The following NPRL3 variants were observed in gnomAD, a reference collection of about 807,000 sequenced individuals.
NPRL3 encodes NPR3 like, GATOR1 complex subunit.
In NPRL3, 23 loss-of-function variants were observed where a neutral mutation model predicts 57.2. The observed-to-expected ratio is 0.40, with a 90% CI of 0.29 to 0.57. The LOEUF is 0.57. Ranked by LOEUF, NPRL3 falls within the 20% of genes least tolerant of loss-of-function variation. The probability of loss-of-function intolerance (pLI) is 0.42; values close to 1 mark genes in which losing one functional copy is unlikely to be tolerated. For missense variants in NPRL3, 691 were observed against 767.1 expected, an observed-to-expected ratio of 0.90 and a Z score of 1.17; for synonymous variants, 333 against 321.1, an observed-to-expected ratio of 1.04 and a Z score of -0.39.
rs1046935936 is a variant in NPRL3 at position 94,665 on chromosome 16, T to C, written c.925-1340A>G. Among the ~76,000 whole-genome samples the C allele has an allele frequency of 3.3e-5, 5 of 152,274 alleles. No individual in the cohort carries two copies. In the South Asian group the frequency reaches 6.2e-4, roughly 19 times the overall value. ...CTACTTGGAGGCTGAGACAGGAGGA[T>C]TGCTTGCACCTGGGAGGTGGGGGTT... On this transcript the variant is annotated intron_variant, in intron 9 of 13. Transcript: ENST00000611875.
chr16:92,791 C>T, intron 10 of NPRL3, 66 bp from the exon 11 acceptor site: 2 of 1,585,262 alleles, frequency 1.3e-6, no homozygotes, highest in East Asian at 2.3e-5. Flanking sequence ...ACACTGGCCT[C>T]AGTGGGCAGC....
chr16:105,275 C>T (rs1348468222), intron 7 of NPRL3, among the ~76,000 whole-genome samples: 3 of 152,208 alleles, frequency 2.0e-5, no homozygotes, highest in African/African-American at 7.2e-5. Flanking sequence ...GTCTAGTCCC[C>T]TCAGCTTTTA....
chr16:99,618 C>T lies in NPRL3; in HGVS notation c.767+754G>A, dbSNP rs114370302. On this transcript the variant is annotated intron_variant, in intron 8 of 13. Coordinates refer to ENST00000611875, the MANE Select transcript of NPRL3 (RefSeq NM_001077350.3). ...AGACTGTGCCACTGCACTTGAGCCC[C>T]GAGCAAGACTACATCTCAAAAAAAA... Among the ~76,000 whole-genome samples the T allele has an allele frequency of 9.3e-3, 1,301 of 139,290 alleles. 14 individuals are homozygous for T. Among genetic ancestry groups the T allele is most frequent in the African/African-American group, 0.024 (885 of 36,950 alleles). The allele number at this position is 139,290 out of a possible 152,430, so 91.4% of individuals were successfully genotyped here.
intron 7 of NPRL3, among the ~76,000 whole-genome samples, chr16:108,099 T>C (rs577176222): frequency 1.3e-5 from 2 of 152,172 alleles, no homozygotes; most frequent in Non-Finnish European, 2.9e-5. Flanking sequence ...GGGCTGATGT[T>C]CTCTCACACC....
intron 13 of NPRL3, 107 bp downstream of exon 13, chr16:88,591 C>T (rs781547917): frequency 1.5e-5 from 15 of 994,952 alleles, no homozygotes; most frequent in Middle Eastern, 6.3e-4. Flanking sequence ...CGAACAGGGC[C>T]CCATCTGTTC....
chr16:88,056 A>G (rs917744395), intron 13 of NPRL3, among the ~76,000 whole-genome samples: 2 of 152,088 alleles, frequency 1.3e-5, no homozygotes, highest in Admixed American at 6.6e-5. Flanking sequence ...AGTCCCTGAC[A>G]ACCCGACCAC....
intron 3 of NPRL3, among the ~76,000 whole-genome samples, chr16:119,869 T>G (rs1341486410): frequency 1.3e-5 from 2 of 152,260 alleles, no homozygotes; most frequent in Non-Finnish European, 2.9e-5. Flanking sequence ...AAGCCCACTG[T>G]GATCACAGCT....
intron 9 of NPRL3, among the ~76,000 whole-genome samples, chr16:96,565 C>T (rs1232976988): frequency 3.4e-5 from 5 of 147,442 alleles, no homozygotes; most frequent in Non-Finnish European, 3.0e-5. Flanking sequence ...AATACCAGCC[C>T]TTTAGGAGGC....
At chr16:134,862 C>T (rs1044724172) in intron 2 of NPRL3, among the ~76,000 whole-genome samples, 8 of 151,032 alleles carry the variant, frequency 5.3e-5, no homozygotes, top group Non-Finnish European at 8.9e-5. Flanking sequence ...CTACCACGCC[C>T]GGCTAATTTT....
intron 2 of NPRL3, 53 bp downstream of exon 2, chr16:138,097 C>A (rs982071891): frequency 7.0e-6 from 10 of 1,437,360 alleles, no homozygotes; most frequent in African/African-American, 1.4e-5. Context: ...TGAGGCGACC[C>A]CGGAATGAGG....
chr16:105,598 G>A (rs1252982061), intron 7 of NPRL3, among the ~76,000 whole-genome samples: 1 of 152,178 alleles, frequency 6.6e-6, no homozygotes. Context: ...CACCTACCCA[G>A]CCAGACCCTG....
intron 3 of NPRL3, chr16:126,186 G>A (rs1379160091): frequency 6.6e-6 from 1 of 151,824 alleles, no homozygotes; most frequent in Non-Finnish European, 1.5e-5. Context: ...ATCACCTGAG[G>A]TCAGGGTTCT....
In NPRL3 at chr16:100,844, G is replaced by A. The variant is rs190648272; in HGVS notation, c.630-335C>T. On this transcript the variant is annotated intron_variant, in intron 7 of 13. Coordinates refer to ENST00000611875, the MANE Select transcript of NPRL3 (RefSeq NM_001077350.3). ...AAATTAGCCAGGTGTGGTGGCGGGC[G>A]CCTGTAGTCCCAGCTACTCGGGAGG... Among the ~76,000 whole-genome samples the A allele has an allele frequency of 5.8e-4, 87 of 150,320 alleles. 1 individual carries two copies. The highest frequency in any genetic ancestry group is 1.9e-3 in the African/African-American group (79 of 40,846).
intron 10 of NPRL3, 166 bp downstream of exon 10, chr16:93,053 A>T (rs1898830578): frequency 1.1e-5 from 7 of 636,200 alleles, no homozygotes. Context: ...CAGAATTGGG[A>T]CCTGGGTATG....
intron 2 of NPRL3, among the ~76,000 whole-genome samples, chr16:134,295 A>T (rs1900950056): frequency 6.6e-6 from 1 of 152,110 alleles, no homozygotes; most frequent in Non-Finnish European, 1.5e-5. Context: ...TAGGCAAAAT[A>T]AAAAAAATTT....
Position 89,887 on chromosome 16 carries a change from T to C in NPRL3, c.1177A>G (p.Met393Val). The change falls in exon 12 of 14, where the codon ATG (methionine) becomes GTG (valine). Residue 393 changes from methionine to valine, a missense_variant. Physicochemically the swap from Met to Val is conservative, Grantham distance 21 (BLOSUM62 1). Coordinates refer to ENST00000611875, the MANE Select transcript of NPRL3 (RefSeq NM_001077350.3). ...PAVQETQLIQ[M>V]VVWMLQRRLL... ...CGGCGCTGCAGCATCCACACCACCA[T>C]CTGGATGAGCTGGGTCTGCGGGTGG... 6.4e-7 allele frequency: 1 copy of C among 1,551,508 alleles called. No homozygotes were observed.
At chr16:88,206 A>G (rs1201977494) in intron 13 of NPRL3, among the ~76,000 whole-genome samples, 2 of 152,128 alleles carry the variant, frequency 1.3e-5, no homozygotes, top group Non-Finnish European at 2.9e-5. Context: ...GCCAAGTCCC[A>G]TGAGGGTGAG....
At chr16:110,050 T>C (rs900187132) in intron 7 of NPRL3, among the ~76,000 whole-genome samples, 19 of 151,830 alleles carry the variant, frequency 1.3e-4, no homozygotes, top group Admixed American at 1.2e-3. Context: ...CCGAGGCGGG[T>C]GGATCACCTG....
chr16:85,673 G>A lies in NPRL3; in HGVS notation c.*1032C>T, dbSNP rs974375687. 1.3e-5 allele frequency: 21 copies of A among 1,575,494 alleles called. No homozygotes were observed. Among genetic ancestry groups the A allele is most frequent in the Non-Finnish European group, 1.6e-5 (19 of 1,156,922 alleles). On this transcript the variant is annotated 3_prime_UTR_variant, in exon 14 of 14. Coordinates refer to ENST00000611875, the MANE Select transcript of NPRL3 (RefSeq NM_001077350.3). Reference sequence around the variant, plus strand: ...AGTGGCAGCAGCCCGGGTGGGCGTCGGCCATGCAGGGGAGTGGGCCCGGAA... The same window carrying A: ...AGTGGCAGCAGCCCGGGTGGGCGTCAGCCATGCAGGGGAGTGGGCCCGGAA...
Sources: allele counts gnomAD v4.1 joint callset (sites outside exome capture counted in the v4.1 genomes callset), GRCh38; gene constraint gnomAD v4.1.1; transcripts MANE v1.5; gene names NCBI Gene and HGNC (gene_info 2026-07-23, HGNC 2026-07-21).